SLC4A4: variants seen among roughly 807,000 people sequenced by gnomAD.
The protein encoded by SLC4A4 is electrogenic sodium bicarbonate cotransporter 1.
Under a neutral mutation model 111.5 loss-of-function variants are expected in SLC4A4, and 27 were observed. The ratio of observed to expected loss-of-function variants is 0.24; its 90% CI spans 0.18 to 0.33. SLC4A4 has a LOEUF of 0.33. Among genes scored for constraint, SLC4A4 ranks in the 10% least tolerant of loss-of-function variants. The pLI, the probability that SLC4A4 is intolerant of heterozygous loss-of-function variation, is 1.00. For missense variants in SLC4A4, 909 were observed against 1,315.5 expected, an observed-to-expected ratio of 0.69 and a Z score of 4.78; for synonymous variants, 443 against 463.4, an observed-to-expected ratio of 0.96 and a Z score of 0.57.
At chr4:71,113,107 A>G (rs2148952552) in intron 2 of SLC4A4, among the ~76,000 whole-genome samples, 1 of 152,292 alleles carries the variant, frequency 6.6e-6, no homozygotes, top group East Asian at 1.9e-4. Context: ...GTACATTTTG[A>G]GCTTGACCAT....
At position 71,514,200 on chromosome 4, in the gene SLC4A4, G is replaced by A. The variant is rs186351413; in HGVS notation, c.2166+16508G>A. On this transcript the variant is annotated intron_variant, in intron 16 of 25. Transcript: ENST00000264485. ...ATTTATGTCCCCACCCATGTCTCAC[G>A]TCAAATTGTAATCTCCAGTGTCAGA... 1.5e-3 allele frequency among the ~76,000 whole-genome samples: 236 copies of A among 152,268 alleles called. 1 individual carries two copies. Among genetic ancestry groups the A allele is most frequent in the Non-Finnish European group, 2.9e-3 (195 of 68,014 alleles).
At chr4:71,380,886 T>C (rs956396830) in intron 6 of SLC4A4, among the ~76,000 whole-genome samples, 8 of 152,148 alleles carry the variant, frequency 5.3e-5, no homozygotes, top group African/African-American at 1.9e-4. Context: ...GTGTAGACAC[T>C]GATGAGTCAG....
chr4:71,348,684 T>A (rs1252790458), intron 4 of SLC4A4, among the ~76,000 whole-genome samples: 1 of 152,148 alleles, frequency 6.6e-6, no homozygotes, highest in African/African-American at 2.4e-5. Flanking sequence ...TTGATTAACA[T>A]TCTAAATTTT....
chr4:71,278,858 A>T (rs944416706), intron 3 of SLC4A4, among the ~76,000 whole-genome samples: 7 of 152,278 alleles, frequency 4.6e-5, no homozygotes, highest in African/African-American at 1.7e-4. Flanking sequence ...TATGTTTTGG[A>T]CATTAATCCC....
chr4:71,186,857 T>C (rs1464155385), upstream of SLC4A4: 1 of 152,172 alleles, frequency 6.6e-6, no homozygotes, highest in African/African-American at 2.4e-5. Context: ...GCTGCAGTGT[T>C]AGTTACTAGC....
At chr4:71,451,153 A>G (rs767273899) in intron 10 of SLC4A4, 35 bp from the exon 11 acceptor site, 1 of 1,333,334 alleles carries the variant, frequency 7.5e-7, no homozygotes, top group East Asian at 2.3e-5. Context: ...AATAAAATAA[A>G]CTAATATACT....
intron 2 of SLC4A4, among the ~76,000 whole-genome samples, chr4:71,245,231 A>T (rs1225830728): frequency 1.3e-5 from 2 of 152,142 alleles, no homozygotes; most frequent in Non-Finnish European, 2.9e-5. Context: ...AAGGTCTTTT[A>T]TGTTATGCTA....
At chr4:71,330,412 C>A (rs1206704087) in intron 3 of SLC4A4, among the ~76,000 whole-genome samples, 2 of 151,908 alleles carry the variant, frequency 1.3e-5, no homozygotes, top group South Asian at 2.1e-4. Context: ...CAGAACAGAG[C>A]CCTCAGAAAT....
chr4:71,420,847 G>A (rs1363702072), intron 7 of SLC4A4, among the ~76,000 whole-genome samples: 1 of 149,400 alleles, frequency 6.7e-6, no homozygotes, highest in Non-Finnish European at 1.5e-5. Flanking sequence ...ACTAAACATG[G>A]AAAGGAACAA....
At chr4:71,158,197 G>T (rs1164711682) in intron 2 of SLC4A4, among the ~76,000 whole-genome samples, 1 of 149,774 alleles carries the variant, frequency 6.7e-6, no homozygotes, top group African/African-American at 2.5e-5. Flanking sequence ...TTAGGAACAA[G>T]TAATATAAAC....
chr4:71,419,930 A>C (rs1390149290), intron 7 of SLC4A4, among the ~76,000 whole-genome samples: 1 of 152,158 alleles, frequency 6.6e-6, no homozygotes, highest in African/African-American at 2.4e-5. Context: ...AAAGCAGAGC[A>C]CCTCTCCTCC....
intron 3 of SLC4A4, among the ~76,000 whole-genome samples, chr4:71,282,008 G>A (rs1476234921): frequency 6.6e-6 from 1 of 150,994 alleles, no homozygotes; most frequent in South Asian, 2.1e-4. Context: ...ATTTATTTGG[G>A]TGACCTCAGT....
chr4:71,333,342 A>T (rs62302788), intron 3 of SLC4A4, among the ~76,000 whole-genome samples: 1 of 152,388 alleles, frequency 6.6e-6, no homozygotes, highest in African/African-American at 2.4e-5. Flanking sequence ...CTGGATTACC[A>T]GGCAGAGACT....
At chr4:71,488,204 T>C (rs11737743) in intron 15 of SLC4A4, among the ~76,000 whole-genome samples, 107,485 of 150,152 alleles carry the variant, frequency 0.72, 39,570 homozygotes, top group Non-Finnish European at 0.82. Context: ...AGTTAATTTG[T>C]AATAAATATT....
chr4:71,443,605 G>A (rs1472396937), intron 8 of SLC4A4, among the ~76,000 whole-genome samples: 1 of 152,086 alleles, frequency 6.6e-6, no homozygotes, highest in Non-Finnish European at 1.5e-5. Context: ...GGACAGCCTA[G>A]GGAGATTCTA....
intron 2 of SLC4A4, among the ~76,000 whole-genome samples, chr4:71,250,057 T>C (rs897014530): frequency 2.8e-4 from 42 of 152,142 alleles, no homozygotes; most frequent in Admixed American, 2.8e-3. Context: ...TTTTTTTTGG[T>C]CCAACAAGTA....
intron 6 of SLC4A4, among the ~76,000 whole-genome samples, chr4:71,365,230 C>T (rs1731139240): frequency 6.6e-6 from 1 of 152,108 alleles, no homozygotes; most frequent in Non-Finnish European, 1.5e-5. Context: ...CATGTGAGTG[C>T]TTTTTTCTTC....
intron 16 of SLC4A4, among the ~76,000 whole-genome samples, chr4:71,503,971 A>G (rs1731168440): frequency 6.6e-6 from 1 of 152,164 alleles, no homozygotes; most frequent in Non-Finnish European, 1.5e-5. Flanking sequence ...CACTTTGAAT[A>G]TATTATCCCA....
chr4:71,082,087 C>T (rs2148935033), intron 1 of SLC4A4, among the ~76,000 whole-genome samples: 1 of 152,146 alleles, frequency 6.6e-6, no homozygotes, highest in East Asian at 1.9e-4. Context: ...TTGCTTCCTC[C>T]ACTTAATTAG....
Sources: allele counts gnomAD v4.1 joint callset (sites outside exome capture counted in the v4.1 genomes callset), GRCh38; gene constraint gnomAD v4.1.1; transcripts MANE v1.5; gene names NCBI Gene and HGNC (gene_info 2026-07-23, HGNC 2026-07-21).